PGBD2: variants seen among roughly 807,000 people sequenced by gnomAD.
PGBD2 encodes the protein piggyBac transposable element derived 2, also known as piggyBac transposable element-derived protein 2.
In PGBD2, 6 loss-of-function variants were observed where a neutral mutation model predicts 8.1. The ratio of observed to expected loss-of-function variants is 0.74; its 90% CI spans 0.40 to 1.46. The LOEUF (loss-of-function observed/expected upper bound fraction) is 1.46, where lower values mean the gene tolerates loss of function less well. PGBD2 is among the 40% of genes most tolerant of loss of function. The probability of loss-of-function intolerance (pLI) is 0.02; values close to 1 mark genes in which losing one functional copy is unlikely to be tolerated. For missense variants in PGBD2, 802 were observed against 739.0 expected (o/e 1.09, Z -0.99); for synonymous variants, 318 against 272.2 (o/e 1.17, Z -1.66).
chr1:248,875,653 T>C, the PGBD2 span, among the ~76,000 whole-genome samples: 395 of 152,358 alleles, frequency 2.6e-3, 4 homozygotes, highest in African/African-American at 8.5e-3. Context: ...CCTAATTTGT[T>C]ATGGTTTTCC....
chr1:248,880,922 CTA>C, the PGBD2 span, among the ~76,000 whole-genome samples: 6 of 152,042 alleles, frequency 3.9e-5, no homozygotes, highest in Non-Finnish European at 8.8e-5. Context: ...AATTTGTTCC[CTA>C]GTCATTATTT....
the PGBD2 span, among the ~76,000 whole-genome samples, chr1:248,893,035 C>G: frequency 6.6e-6 from 1 of 152,202 alleles, no homozygotes; most frequent in South Asian, 2.1e-4. Context: ...TCTGGATACT[C>G]TATATGTTTT....
At chr1:248,877,058 CA>C in the PGBD2 span, among the ~76,000 whole-genome samples, 4 of 152,074 alleles carry the variant, frequency 2.6e-5, no homozygotes, top group African/African-American at 7.2e-5. Context: ...CATGTACAAA[CA>C]AAAGTTTTGT....
At chr1:248,922,546 G>A (rs889792666), downstream of PGBD2, among the ~76,000 whole-genome samples, 16 of 152,220 alleles carry the variant, frequency 1.1e-4, no homozygotes, top group East Asian at 3.1e-3. Context: ...GTTTTCAAAG[G>A]GAATGCTTCC....
the PGBD2 span, among the ~76,000 whole-genome samples, chr1:248,925,151 C>T: frequency 7.0e-4 from 107 of 152,278 alleles, no homozygotes; most frequent in Admixed American, 1.2e-3. Context: ...CACATTCACA[C>T]GTGTGTCACA....
chr1:248,926,799 C>G, the PGBD2 span, among the ~76,000 whole-genome samples: 1 of 152,148 alleles, frequency 6.6e-6, no homozygotes, highest in Non-Finnish European at 1.5e-5. Flanking sequence ...TTCCAAAAGC[C>G]TACTCAAGCC....
downstream of PGBD2, among the ~76,000 whole-genome samples, chr1:248,924,075 A>G (rs181655982): frequency 3.0e-4 from 45 of 152,338 alleles, no homozygotes; most frequent in East Asian, 6.7e-3. Context: ...CAGTTCCCCA[A>G]TGGGACGGCG....
intron 2 of PGBD2, chr1:248,914,599 T>C: frequency 7.8e-7 from 1 of 1,288,472 alleles, no homozygotes; most frequent in South Asian, 1.2e-5. Flanking sequence ...TCCTGCATCC[T>C]TCTGTTGGGA....
the PGBD2 span, among the ~76,000 whole-genome samples, chr1:248,929,586 C>G: frequency 3.7e-4 from 57 of 152,286 alleles, no homozygotes; most frequent in South Asian, 8.3e-4. Context: ...TGTAGAACAT[C>G]GTATTTAGCA....
At chr1:248,925,910 C>T in the PGBD2 span, among the ~76,000 whole-genome samples, 1 of 152,146 alleles carries the variant, frequency 6.6e-6, no homozygotes, top group East Asian at 1.9e-4. Flanking sequence ...GAACTTGTTA[C>T]ACTTCTCTGG....
chr1:248,918,167 A>G lies in PGBD2; in HGVS notation c.1583A>G (p.Asn528Ser), dbSNP rs769475598. The G allele has an allele frequency of 6.2e-6, 10 of 1,614,204 alleles. No homozygotes were observed. The South Asian group carries it at 6.6e-5, about 11-fold the overall frequency. ...ATTGCCTGTGTGTATCTGGAGAGCA[A>G]TGCTGACACAACATCTCAAGGGAGG... ...RYIACVYLES[N>S]ADTTSQGRRS... Residue 528 changes from asparagine (N) to serine (S), a missense_variant, in exon 3 of 3, where the codon AAT becomes AGT. Asn to Ser is a conservative substitution (Grantham distance 46, BLOSUM62 1). Coordinates refer to ENST00000329291, the MANE Select transcript of PGBD2 (RefSeq NM_170725.3).
At chr1:248,923,729 T>G (rs1168601834), downstream of PGBD2, among the ~76,000 whole-genome samples, 1 of 152,256 alleles carries the variant, frequency 6.6e-6, no homozygotes, top group Non-Finnish European at 1.5e-5. Flanking sequence ...ATTTGGCTTT[T>G]GCCATTTTAC....
At position 248,907,038 on chromosome 1, in the gene PGBD2, A is replaced by G. The variant is rs561214836; in HGVS notation, c.-48+696A>G. Among the ~76,000 whole-genome samples, 12 of 152,210 alleles carry G rather than the reference A, an allele frequency of 7.9e-5. No individual in the cohort carries two copies. The East Asian group carries it at 1.2e-3, about 15-fold the overall frequency. The stretch of plus-strand genomic sequence containing the variant: ...ACCACAGTGGGCCCAGGGGACCGGC[A>G]CTCAGCATACCAAGGACTTGCACCA... On this transcript the variant is annotated intron_variant, in intron 1 of 2. Transcript: ENST00000329291.
rs1358036425 is a variant in PGBD2, at chr1:248,916,659, G to A, written c.75G>A (p.Glu25=). 13 of 1,614,072 alleles carry A rather than the reference G, an allele frequency of 8.1e-6. 1 individual carries two copies. The South Asian group carries it at 1.2e-4, about 15-fold the overall frequency. The change falls in exon 3 of 3, where the codon GAG becomes GAA. Residue 25 remains glutamate, a synonymous_variant. Transcript: ENST00000329291. ...HSKVKSAKLL[E]VLNAMEEEES... Reference sequence around the variant, plus strand: ...AGGTGAAGTCTGCAAAGCTGCTTGAGGTTCTGAATGCTATGGAGGAGGAAG... The same window carrying A: ...AGGTGAAGTCTGCAAAGCTGCTTGAAGTTCTGAATGCTATGGAGGAGGAAG...
At chr1:248,906,757 C>CGGGGCGCGCTG (rs1661654926) in intron 1 of PGBD2, among the ~76,000 whole-genome samples, 1 of 150,808 alleles carries the variant, frequency 6.6e-6, no homozygotes, top group Non-Finnish European at 1.5e-5. Flanking sequence ...GGCTCTGTGC[C>CGGGGCGCGCTG]GGGGCGCGCT....
chr1:248,894,605 A>G, the PGBD2 span, among the ~76,000 whole-genome samples: 1 of 152,098 alleles, frequency 6.6e-6, no homozygotes, highest in East Asian at 1.9e-4. Flanking sequence ...TTTAACCTGT[A>G]TTCTTTCACT....
chr1:248,918,370 G>C lies in PGBD2; in HGVS notation c.*7G>C, dbSNP rs368987215. 6.5e-7 allele frequency: 1 copy of C among 1,529,138 alleles called. No individual in the cohort carries two copies. The highest frequency in any genetic ancestry group is 1.4e-5 in the African/African-American group (1 of 72,154). The allele number at this position is 1,529,138 out of a possible 1,614,324, so 94.7% of individuals were successfully genotyped here. ...GGAGTACCACATCCGGTGACATCAT[G>C]AGACATGCTTCTTTGGTTTATAATG... On this transcript the variant is annotated 3_prime_UTR_variant, in exon 3 of 3. Coordinates refer to ENST00000329291, the MANE Select transcript of PGBD2 (RefSeq NM_170725.3).
intron 2 of PGBD2, chr1:248,914,342 CG>C: frequency 1.1e-6 from 1 of 932,288 alleles, no homozygotes; most frequent in Non-Finnish European, 1.3e-6. Context: ...GTCAGGAAAG[CG>C]TGAAGATGGC....
chr1:248,885,513 A>G, the PGBD2 span, among the ~76,000 whole-genome samples: 4 of 152,086 alleles, frequency 2.6e-5, no homozygotes, highest in Admixed American at 6.6e-5. Context: ...CAGAGCCACA[A>G]TTATTTTAAT....
Sources: allele counts gnomAD v4.1 joint callset (sites outside exome capture counted in the v4.1 genomes callset), GRCh38; gene constraint gnomAD v4.1.1; transcripts MANE v1.5; gene names NCBI Gene and HGNC (gene_info 2026-07-23, HGNC 2026-07-21).